Variants in BEND5 observed in about 807,000 individuals in gnomAD.
BEND5 encodes the protein BEN domain-containing protein 5.
Under a neutral mutation model 43.9 loss-of-function variants are expected in BEND5, and 22 were observed. The ratio of observed to expected loss-of-function variants is 0.50; its 90% CI spans 0.36 to 0.72. BEND5 has a LOEUF of 0.72. BEND5 is among the 30% of genes least tolerant of loss of function. BEND5 has a pLI of 0.00. For missense variants in BEND5, 428 were observed against 550.6 expected (o/e 0.78, Z 2.23); for synonymous variants, 228 against 225.9 (o/e 1.01, Z -0.08).
intron 1 of BEND5, among the ~76,000 whole-genome samples, chr1:48,769,860 C>A (rs1644724556): frequency 6.6e-6 from 1 of 152,242 alleles, no homozygotes; most frequent in South Asian, 2.1e-4. Flanking sequence ...CACACAGCTT[C>A]TAAGTAGCAC....
At chr1:48,741,770 CAT>C (rs1649946493) in intron 4 of BEND5, among the ~76,000 whole-genome samples, 1 of 152,164 alleles carries the variant, frequency 6.6e-6, no homozygotes, top group Admixed American at 6.5e-5. Flanking sequence ...TGAACCAACA[CAT>C]GACGCGTTAA....
At chr1:48,745,573 C>T (rs973523762) in intron 3 of BEND5, among the ~76,000 whole-genome samples, 2 of 152,152 alleles carry the variant, frequency 1.3e-5, no homozygotes, top group African/African-American at 4.8e-5. Flanking sequence ...TCTTTCCTGC[C>T]TCCTACTCTT....
chr1:48,760,907 C>G (rs1644223825), intron 2 of BEND5: 1 of 154,416 alleles, frequency 6.5e-6, no homozygotes, highest in Non-Finnish European at 1.4e-5. Flanking sequence ...TCTCACAAAT[C>G]CCTTCTGTGA....
intron 3 of BEND5, among the ~76,000 whole-genome samples, chr1:48,749,544 A>G (rs1225378014): frequency 6.6e-6 from 1 of 152,072 alleles, no homozygotes; most frequent in Non-Finnish European, 1.5e-5. Flanking sequence ...TCTTTCCACT[A>G]CCCTACCCCT....
Position 48,736,264 on chromosome 1 carries a change from C to T in BEND5, c.1083G>A (p.Ser361=), listed in dbSNP as rs934103701. Reference sequence around the variant, plus strand: ...CTCTGACGATGCTTAGTTTGTGAGGCGAGAGGGGTGGTTTAGGGACTGCAT... The same window carrying T: ...CTCTGACGATGCTTAGTTTGTGAGGTGAGAGGGGTGGTTTAGGGACTGCAT... ...KKDAVPKPPL[S]PHKLSIVREC... The change falls in exon 5 of 6, where the codon TCG becomes TCA. Residue 361 remains serine, a synonymous_variant. Transcript: ENST00000371833. The surrounding 1 kb of genome is among the most constrained non-coding windows in gnomAD (Gnocchi z 4.0). 47 of 1,613,956 alleles carry T rather than the reference C, an allele frequency of 2.9e-5. No homozygotes were observed. The highest frequency in any genetic ancestry group is 5.3e-5 in the African/African-American group (4 of 74,906).
Position 48,776,845 on chromosome 1 carries a change from G to A in BEND5, c.-14C>T. The A allele has an allele frequency of 6.7e-7, 1 of 1,492,718 alleles. No homozygotes were observed. Among genetic ancestry groups the A allele is most frequent in the Non-Finnish European group, 8.9e-7 (1 of 1,122,942 alleles). 92.5% of individuals were successfully genotyped at this position (1,492,718 alleles called of 1,614,324 possible). A position where few individuals can be genotyped will look rare whatever the true frequency, so the allele number is the denominator to read the frequency against. On this transcript the variant is annotated 5_prime_UTR_variant, in exon 1 of 6. Transcript: ENST00000371833. ...AAAGGCGTACATGGTGGGCGCCGGG[G>A]GCGGGCCCCGGTCGGGCAGCTCAGC...
At chr1:48,774,259 T>G (rs908496595) in intron 1 of BEND5, among the ~76,000 whole-genome samples, 4 of 152,200 alleles carry the variant, frequency 2.6e-5, no homozygotes, top group African/African-American at 7.2e-5. Context: ...TATTTACATA[T>G]AGGAGATGCC....
intron 1 of BEND5, among the ~76,000 whole-genome samples, chr1:48,769,357 C>A (rs1644689642): frequency 6.6e-6 from 1 of 152,158 alleles, no homozygotes; most frequent in Non-Finnish European, 1.5e-5. Flanking sequence ...ACAGAAAAAA[C>A]TGGGAAGTTC....
chr1:48,763,008 AC>A (rs975258514), intron 1 of BEND5, among the ~76,000 whole-genome samples: 4 of 152,272 alleles, frequency 2.6e-5, no homozygotes, highest in Admixed American at 2.6e-4. Context: ...TACACACTGA[AC>A]ATTCAATGGA....
Position 48,768,115 on chromosome 1 carries a change from C to T in BEND5, c.227-6645G>A, listed in dbSNP as rs1319246910. On this transcript the variant is annotated intron_variant, in intron 1 of 5. Coordinates refer to ENST00000371833, the MANE Select transcript of BEND5 (RefSeq NM_024603.4). ...CTGTTCCTATCACCTAATTATCCTA[C>T]AGCAACAAGAGAAAAATAAGGAAGT... 2.0e-5 allele frequency among the ~76,000 whole-genome samples: 3 copies of T among 152,164 alleles called. No individual in the cohort carries two copies. In the East Asian group the frequency reaches 5.8e-4, roughly 29 times the overall value.
Position 48,759,003 on chromosome 1 carries a change from C to T in BEND5, c.642G>A (p.Gln214=), listed in dbSNP as rs749382544. 6.2e-7 allele frequency: 1 copy of T among 1,614,006 alleles called. No individual in the cohort carries two copies. The highest frequency in any genetic ancestry group is 8.5e-7 in the Non-Finnish European group (1 of 1,179,996). ...CCCCGTACTCCTTGAGCTTCTTGGC[C>T]TGTTGTACCAGCTGCCTCCGAGTCC... ...LERTRRQLVQ[Q]AKKLKEYGAL... The change falls in exon 3 of 6, where the codon CAG becomes CAA. Residue 214 remains glutamine (Q), a synonymous_variant. Coordinates refer to ENST00000371833, the MANE Select transcript of BEND5 (RefSeq NM_024603.4).
chr1:48,742,900 C>A, intron 3 of BEND5, 129 bp from the exon 4 acceptor site: 1 of 841,152 alleles, frequency 1.2e-6, no homozygotes. Context: ...CATTGAACTA[C>A]ACTTAAACCC....
At chr1:48,768,069 C>T (rs1644617797) in intron 1 of BEND5, among the ~76,000 whole-genome samples, 1 of 152,174 alleles carries the variant, frequency 6.6e-6, no homozygotes, top group African/African-American at 2.4e-5. Context: ...CATTTCAAAT[C>T]AAGTCTGTTT....
chr1:48,741,981 C>T (rs756309837), intron 4 of BEND5, among the ~76,000 whole-genome samples: 4 of 152,182 alleles, frequency 2.6e-5, no homozygotes, highest in South Asian at 2.1e-4. Flanking sequence ...AGATTTTTCA[C>T]GAGCGATTCC....
chr1:48,731,896 G>A (rs6668399), intron 5 of BEND5, among the ~76,000 whole-genome samples: 70,120 of 151,972 alleles, frequency 0.46, 17,958 homozygotes, highest in Middle Eastern at 0.67. Flanking sequence ...GGGATATCTG[G>A]TTTCTGAAGA....
rs1650093440 is a variant in BEND5 at position 48,742,659 on chromosome 1, C to CGCA, written c.855_857dup (p.Ala286dup). 1.9e-6 allele frequency: 3 copies of CGCA among 1,607,536 alleles called. No homozygotes were observed. Among genetic ancestry groups the CGCA allele is most frequent in the Non-Finnish European group, 2.5e-6 (3 of 1,176,630 alleles). On this transcript the variant is annotated inframe_insertion, in exon 4 of 6. Transcript: ENST00000371833. The stretch of plus-strand genomic sequence containing the variant: ...CTAGGATATACTTGTCCATGACAGG[C>CGCA]GCAGGAGCGGGGTAATAGGACGACG...
chr1:48,736,389 C>T lies in BEND5; in HGVS notation c.958G>A (p.Gly320Arg), dbSNP rs1478641396. The T allele has an allele frequency of 6.2e-7, 1 of 1,614,118 alleles. No homozygotes were observed. The highest frequency in any genetic ancestry group is 1.1e-5 in the South Asian group (1 of 91,084). ...EKWHQLQVTQ[G>R]DSKYTKNLAV... ...AAGTTCTTCGTGTACTTGGAATCTCCTTGGGTTACTTGTAGCTGGTGCCAT... is the reference window on the plus strand; with the variant it reads ...AAGTTCTTCGTGTACTTGGAATCTCTTTGGGTTACTTGTAGCTGGTGCCAT... The change falls in exon 5 of 6, where the codon GGA becomes AGA. Residue 320 changes from glycine to arginine, a missense_variant. Physicochemically the swap from Gly to Arg is moderately radical, Grantham distance 125 (BLOSUM62 -2). Transcript: ENST00000371833. The surrounding 1 kb of genome is among the most constrained non-coding windows in gnomAD (Gnocchi z 4.0).
intron 2 of BEND5, 113 bp from the exon 3 acceptor site, chr1:48,759,397 C>T: frequency 6.9e-7 from 1 of 1,440,766 alleles, no homozygotes; most frequent in Non-Finnish European, 9.1e-7. Flanking sequence ...AACATCAGTG[C>T]TTGGAGAAAC....
At position 48,733,617 on chromosome 1, in the gene BEND5, G is replaced by GC. The variant is rs572145992; in HGVS notation, c.1108+2621dup. 2.3e-4 allele frequency among the ~76,000 whole-genome samples: 35 copies of GC among 152,294 alleles called. 1 individual carries two copies. The South Asian group carries it at 7.3e-3, about 32-fold the overall frequency. On this transcript the variant is annotated intron_variant, in intron 5 of 5. Transcript: ENST00000371833. The stretch of plus-strand genomic sequence containing the variant: ...GGTTGGAGCTAAGGAGTGTGTAATG[G>GC]CCCAAGCCACATGCATGGCTGAGGT...
Sources: allele counts gnomAD v4.1 joint callset (sites outside exome capture counted in the v4.1 genomes callset), GRCh38; gene constraint gnomAD v4.1.1; non-coding constraint Gnocchi (gnomAD v3.1); transcripts MANE v1.5; gene names NCBI Gene and HGNC (gene_info 2026-07-23, HGNC 2026-07-21).